The following DMXL2 variants were observed in gnomAD, a reference collection of about 807,000 sequenced individuals.
DMXL2 encodes the protein Dmx like 2.
Under a neutral mutation model 331.1 loss-of-function variants are expected in DMXL2, and 103 were observed. The ratio of observed to expected loss-of-function variants is 0.31; its 90% CI spans 0.27 to 0.37. The LOEUF is 0.37. Among genes scored for constraint, DMXL2 ranks in the 10% least tolerant of loss-of-function variants. The probability of loss-of-function intolerance (pLI) is 1.00; values close to 1 mark genes in which losing one functional copy is unlikely to be tolerated. For missense variants in DMXL2, 3,171 were observed against 3,642.9 expected, an observed-to-expected ratio of 0.87 and a Z score of 3.33; for synonymous variants, 1,281 against 1,252.1, an observed-to-expected ratio of 1.02 and a Z score of -0.49.
intron 15 of DMXL2, among the ~76,000 whole-genome samples, chr15:51,507,544 G>A (rs111976717): frequency 1.4e-4 from 22 of 152,170 alleles, no homozygotes; most frequent in Non-Finnish European, 2.6e-4. Flanking sequence ...TTGTTAAAAC[G>A]TATTTATCCT....
intron 40 of DMXL2, among the ~76,000 whole-genome samples, chr15:51,454,389 C>G (rs899636718): frequency 1.3e-5 from 2 of 152,084 alleles, no homozygotes; most frequent in Non-Finnish European, 2.9e-5. Flanking sequence ...TTATCTTCAT[C>G]ACCAACTATT....
At chr15:51,609,503 A>G (rs1306131403) in intron 1 of DMXL2, among the ~76,000 whole-genome samples, 1 of 152,224 alleles carries the variant, frequency 6.6e-6, no homozygotes, top group Non-Finnish European at 1.5e-5. Context: ...CTACATTTAG[A>G]TATGTTTAGA....
At chr15:51,524,039 A>C (rs1039655497) in intron 13 of DMXL2, among the ~76,000 whole-genome samples, 1 of 152,252 alleles carries the variant, frequency 6.6e-6, no homozygotes. Context: ...CATTCTTTTA[A>C]GTGCTTAGTG....
intron 26 of DMXL2, 48 bp downstream of exon 26, chr15:51,478,223 T>C: frequency 6.7e-7 from 1 of 1,487,812 alleles, no homozygotes; most frequent in Non-Finnish European, 9.3e-7. Flanking sequence ...TCTGGAACAG[T>C]TTAATGTTTT....
At chr15:51,605,545 TTTTTTTTTTG>T (rs1490760052) in intron 1 of DMXL2, among the ~76,000 whole-genome samples, 1 of 29,096 alleles carries the variant, frequency 3.4e-5, no homozygotes, top group African/African-American at 1.2e-4. Context: ...TTTTTTTTTT[TTTTTTTTTTG>T]AGACGGAGTC....
At chr15:51,586,940 T>C (rs956158702) in intron 1 of DMXL2, among the ~76,000 whole-genome samples, 2 of 148,682 alleles carry the variant, frequency 1.3e-5, no homozygotes, top group South Asian at 4.2e-4. Context: ...TATATGTCAG[T>C]GCTAAGAATA....
chr15:51,472,921 G>C (rs930466411), intron 28 of DMXL2, among the ~76,000 whole-genome samples: 3 of 152,086 alleles, frequency 2.0e-5, no homozygotes, highest in African/African-American at 7.2e-5. Flanking sequence ...CCTCTCTTTA[G>C]AACAACTAAC....
intron 1 of DMXL2, among the ~76,000 whole-genome samples, chr15:51,608,759 A>G (rs2053762183): frequency 8.7e-6 from 1 of 114,728 alleles, no homozygotes; most frequent in Non-Finnish European, 2.0e-5. Context: ...TTTAAAAAAG[A>G]ATGAAAAAAA....
chr15:51,554,891 C>T (rs548322278), intron 6 of DMXL2, among the ~76,000 whole-genome samples: 18 of 152,310 alleles, frequency 1.2e-4, no homozygotes, highest in African/African-American at 4.1e-4. Flanking sequence ...GGAACAGTGG[C>T]TCACACCCAT....
At chr15:51,602,721 T>G (rs1250281966) in intron 1 of DMXL2, among the ~76,000 whole-genome samples, 2 of 152,330 alleles carry the variant, frequency 1.3e-5, no homozygotes, top group East Asian at 3.9e-4. Flanking sequence ...CAGCTAGCAC[T>G]GCAAAGGCTT....
chr15:51,589,462 G>T (rs1479356315), intron 1 of DMXL2, among the ~76,000 whole-genome samples: 1 of 152,134 alleles, frequency 6.6e-6, no homozygotes, highest in African/African-American at 2.4e-5. Flanking sequence ...TTTGCCTCTT[G>T]CCCTGACTAG....
At chr15:51,617,352 AACT>A (rs1166456236) in intron 1 of DMXL2, among the ~76,000 whole-genome samples, 1 of 152,192 alleles carries the variant, frequency 6.6e-6, no homozygotes, top group Non-Finnish European at 1.5e-5. Context: ...AGTCGCAGGC[AACT>A]ATCATCTGCC....
chr15:51,553,261 T>C (rs2140977466), intron 6 of DMXL2, among the ~76,000 whole-genome samples: 1 of 152,314 alleles, frequency 6.6e-6, no homozygotes, highest in East Asian at 1.9e-4. Flanking sequence ...GTTCAGGGTA[T>C]ATGGTGGTGT....
intron 1 of DMXL2, among the ~76,000 whole-genome samples, chr15:51,590,654 A>G (rs1304982849): frequency 6.6e-6 from 1 of 152,086 alleles, no homozygotes; most frequent in Admixed American, 6.5e-5. Flanking sequence ...CAGCCTCCCA[A>G]GTAGCTGAAA....
At chr15:51,461,350 G>C (rs1332613925) in intron 33 of DMXL2, among the ~76,000 whole-genome samples, 1 of 152,070 alleles carries the variant, frequency 6.6e-6, no homozygotes, top group Non-Finnish European at 1.5e-5. Context: ...GAATGGGAGG[G>C]TCCAAGAAAC....
chr15:51,503,151 G>C (rs951566449), intron 16 of DMXL2, 118 bp from the exon 17 acceptor site: 8 of 735,492 alleles, frequency 1.1e-5, no homozygotes, highest in Admixed American at 6.0e-5. Flanking sequence ...TTTTGGAGGT[G>C]AGGATATAGA....
chr15:51,621,950 C>G (rs1331187274), intron 1 of DMXL2, among the ~76,000 whole-genome samples: 1 of 152,180 alleles, frequency 6.6e-6, no homozygotes, highest in African/African-American at 2.4e-5. Flanking sequence ...AGGCTTAAAG[C>G]CACAGACTCC....
In DMXL2 at chr15:51,463,427, T is replaced by G; in HGVS notation, c.7878A>C (p.Gln2626His). The G allele has an allele frequency of 6.2e-7, 1 of 1,601,720 alleles. No individual in the cohort carries two copies. Among genetic ancestry groups the G allele is most frequent in the South Asian group, 1.1e-5 (1 of 87,856 alleles). The change falls in exon 33 of 44, where the codon CAA becomes CAC. Residue 2626 changes from glutamine (Q) to histidine (H), a missense_variant. Physicochemically the swap from Gln to His is conservative, Grantham distance 24. This residue lies in a region of DMXL2 where 766 missense variants were observed against 940.5 expected (regional missense o/e 0.81). Coordinates refer to ENST00000560891, the MANE Select transcript of DMXL2 (RefSeq NM_001378457.1). ...TGAAAATATATCTAATAAATGTCTCTTGAAGGACCTCTTGTTTAACAAGGA... is the reference window on the plus strand; with the variant it reads ...TGAAAATATATCTAATAAATGTCTCGTGAAGGACCTCTTGTTTAACAAGGA... The part of the protein sequence containing the change: ...WHFLVKQEVL[Q>H]ETFIRYIFTK...
chr15:51,461,535 G>A (rs533639093), intron 33 of DMXL2, among the ~76,000 whole-genome samples: 1 of 152,250 alleles, frequency 6.6e-6, no homozygotes, highest in East Asian at 1.9e-4. Flanking sequence ...GTGAATAACA[G>A]AGCCCCTAAT....
Sources: allele counts gnomAD v4.1 joint callset (sites outside exome capture counted in the v4.1 genomes callset), GRCh38; gene constraint gnomAD v4.1.1; regional missense constraint gnomAD v4.1.1; transcripts MANE v1.5; gene names NCBI Gene and HGNC (gene_info 2026-07-23, HGNC 2026-07-21).